The following ADAM22 variants were observed in gnomAD, a reference collection of about 807,000 sequenced individuals.
ADAM22 encodes the protein disintegrin and metalloproteinase domain-containing protein 22.
Under a neutral mutation model 144.6 loss-of-function variants are expected in ADAM22, and 65 were observed. That is an observed-to-expected ratio of 0.45 (90% confidence interval 0.37 to 0.55). ADAM22 has a LOEUF of 0.55. Among genes scored for constraint, ADAM22 ranks in the 20% least tolerant of loss-of-function variants. The pLI is 0.00. For synonymous variants in ADAM22, 391 were observed against 412.6 expected (o/e 0.95, Z 0.63); for missense variants, 974 against 1,184.9 (o/e 0.82, Z 2.61).
intron 4 of ADAM22, among the ~76,000 whole-genome samples, chr7:88,104,118 C>T (rs763455512): frequency 4.6e-5 from 7 of 151,976 alleles, no homozygotes; most frequent in African/African-American, 9.7e-5. Context: ...ATCTAAATGT[C>T]CATTAGTACA....
intron 23 of ADAM22, among the ~76,000 whole-genome samples, 159 bp from the exon 24 acceptor site, chr7:88,165,673 C>T (rs1842781520): frequency 6.6e-6 from 1 of 151,708 alleles, no homozygotes; most frequent in Admixed American, 6.6e-5. Flanking sequence ...GCTTGAGGTA[C>T]TGGAGGGAGA....
At position 88,197,938 on chromosome 7, in the gene ADAM22, A is replaced by G. The variant is rs942159735; in HGVS notation, c.*1447A>G. The G allele has an allele frequency of 6.6e-6, 1 of 152,184 alleles. No homozygotes were observed. The highest frequency in any genetic ancestry group is 2.1e-4 in the South Asian group (1 of 4,826). 9.4% of individuals were successfully genotyped at this position (152,184 alleles called of 1,614,324 possible). ...TATTTTTAATCCATAGGAAAATAAG[A>G]TTCTATTTTAAAAGACCCTTCTTTA... On this transcript the variant is annotated 3_prime_UTR_variant, in exon 32 of 32. Transcript: ENST00000413139.
intron 4 of ADAM22, among the ~76,000 whole-genome samples, chr7:88,084,548 T>C (rs368575101): frequency 1.3e-5 from 2 of 152,316 alleles, no homozygotes; most frequent in African/African-American, 4.8e-5. Flanking sequence ...CAATCCAAAG[T>C]CAGTAGCCAA....
At position 88,156,001 on chromosome 7, in the gene ADAM22, C is replaced by T. The variant is rs776150211; in HGVS notation, c.1902C>T (p.Asn634=). The change falls in exon 22 of 32, where the codon AAC becomes AAT. Residue 634 remains asparagine (N), a synonymous_variant. Transcript: ENST00000413139. Reference sequence around the variant, plus strand: ...TTGTGCAGCAAGGAAGAACATTAAACTGCAGGTAATTATCTAACCATTCTG... The same window carrying T: ...TTGTGCAGCAAGGAAGAACATTAAATTGCAGGTAATTATCTAACCATTCTG... ...TLVVQQGRTL[N]CSGGHVKLEE... is the part of the protein sequence containing the mutation. The T allele has an allele frequency of 1.2e-6, 2 of 1,612,964 alleles. No homozygotes were observed. Among genetic ancestry groups the T allele is most frequent in the Non-Finnish European group, 1.7e-6 (2 of 1,179,384 alleles).
chr7:88,008,328 G>A lies in ADAM22; in HGVS notation c.323+29916G>A, dbSNP rs1277700620. 2.0e-5 allele frequency among the ~76,000 whole-genome samples: 3 copies of A among 150,546 alleles called. No homozygotes were observed. The East Asian group carries it at 5.9e-4, about 29-fold the overall frequency. ...GACTGTAAACTAGTTCAACCATTGT[G>A]GAAGTCAGTGTGGCGATTCCTCAGG... is the stretch of plus-strand genomic sequence containing the variant. On this transcript the variant is annotated intron_variant, in intron 3 of 31. Coordinates refer to ENST00000413139, the MANE Select transcript of ADAM22 (RefSeq NM_001324418.2).
intron 18 of ADAM22, among the ~76,000 whole-genome samples, chr7:88,149,750 G>GT (rs1837763980): frequency 6.6e-6 from 1 of 152,128 alleles, no homozygotes; most frequent in African/African-American, 2.4e-5. Flanking sequence ...CTTACTGTTG[G>GT]TTTTAAATGG....
At chr7:88,116,599 G>T in intron 6 of ADAM22, 146 bp from the exon 7 acceptor site, 1 of 616,054 alleles carries the variant, frequency 1.6e-6, no homozygotes, top group South Asian at 2.1e-5. Flanking sequence ...GAATAGGAGG[G>T]GTTGGGCAAT....
At chr7:88,196,072 T>A (rs1850614637) in intron 31 of ADAM22, among the ~76,000 whole-genome samples, 1 of 152,210 alleles carries the variant, frequency 6.6e-6, no homozygotes, top group Non-Finnish European at 1.5e-5. Context: ...ATTAATGTAA[T>A]GTGCAGCTGA....
At chr7:88,074,497 C>T (rs1291256103) in intron 3 of ADAM22, among the ~76,000 whole-genome samples, 1 of 152,100 alleles carries the variant, frequency 6.6e-6, no homozygotes, top group Non-Finnish European at 1.5e-5. Context: ...TTATATTATG[C>T]TAGACCTGGA....
At chr7:88,060,831 C>A (rs1440703805) in intron 3 of ADAM22, among the ~76,000 whole-genome samples, 1 of 151,594 alleles carries the variant, frequency 6.6e-6, no homozygotes, top group Non-Finnish European at 1.5e-5. Flanking sequence ...CGGCCAGGTG[C>A]AGTGGCTCAT....
chr7:87,949,955 T>C (rs1844639472), intron 2 of ADAM22, among the ~76,000 whole-genome samples: 1 of 151,390 alleles, frequency 6.6e-6, no homozygotes, highest in African/African-American at 2.4e-5. Flanking sequence ...TATAACTTTT[T>C]TATTTCTTAG....
At chr7:88,064,266 G>A (rs554769825) in intron 3 of ADAM22, among the ~76,000 whole-genome samples, 2 of 152,184 alleles carry the variant, frequency 1.3e-5, no homozygotes, top group Non-Finnish European at 2.9e-5. Context: ...AGAAAATTAT[G>A]GGAGGAGTAA....
Position 88,025,770 on chromosome 7 carries a change from C to T in ADAM22, c.323+47358C>T, listed in dbSNP as rs192194683. Among the ~76,000 whole-genome samples the T allele has an allele frequency of 1.3e-3, 200 of 152,294 alleles. 3 individuals are homozygous for T. Among genetic ancestry groups the T allele is most frequent in the Admixed American group, 0.011 (174 of 15,290 alleles). The stretch of plus-strand genomic sequence containing the variant: ...TACCATGCTGTTTTGGTTACTATAG[C>T]TCTGAAGAATATTTTGAAGACAGGT... On this transcript the variant is annotated intron_variant, in intron 3 of 31. Coordinates refer to ENST00000413139, the MANE Select transcript of ADAM22 (RefSeq NM_001324418.2).
At chr7:88,151,181 A>G in intron 19 of ADAM22, 76 bp from the exon 20 acceptor site, 1 of 1,586,792 alleles carries the variant, frequency 6.3e-7, no homozygotes, top group Non-Finnish European at 8.6e-7. Context: ...TATTTTTCCC[A>G]ATCATAGTTT....
At chr7:87,982,044 C>CATAT (rs57982467) in intron 3 of ADAM22, among the ~76,000 whole-genome samples, 131 of 113,200 alleles carry the variant, frequency 1.2e-3, no homozygotes, top group African/African-American at 3.9e-3. Context: ...ATGTTTATTT[C>CATAT]ATATATATAT....
At chr7:88,070,618 G>C (rs1812493926) in intron 3 of ADAM22, among the ~76,000 whole-genome samples, 1 of 151,966 alleles carries the variant, frequency 6.6e-6, no homozygotes, top group Non-Finnish European at 1.5e-5. Context: ...TATTGGTTAT[G>C]TTAACTGTGA....
At chr7:87,939,155 C>A (rs1364578856) in intron 2 of ADAM22, among the ~76,000 whole-genome samples, 1 of 152,030 alleles carries the variant, frequency 6.6e-6, no homozygotes, top group African/African-American at 2.4e-5. Context: ...TAGTACTTAA[C>A]CCAGGTGAGC....
chr7:87,992,171 G>GT (rs750335404), intron 3 of ADAM22, among the ~76,000 whole-genome samples: 7 of 152,282 alleles, frequency 4.6e-5, no homozygotes, highest in Non-Finnish European at 7.4e-5. Flanking sequence ...AAAAATTGGT[G>GT]TTTTTTGTGG....
intron 4 of ADAM22, among the ~76,000 whole-genome samples, chr7:88,086,050 CCTGTAATCCCAGCTACTCAGGAGG>C (rs1432675640): frequency 1.3e-5 from 2 of 152,114 alleles, no homozygotes; most frequent in African/African-American, 4.8e-5. Flanking sequence ...GTGGCATGCA[CCTGTAATCCCAGCTACTCAGGAGG>C]CTGAGGCAGG....
Sources: gnomAD v4.1 joint callset for allele counts (sites outside exome capture counted in the v4.1 genomes callset) on GRCh38, gnomAD v4.1.1 for gene constraint, MANE v1.5 for transcripts, NCBI Gene and HGNC (gene_info 2026-07-23, HGNC 2026-07-21) for gene names.